PRKN: variants seen among roughly 807,000 people sequenced by gnomAD.
PRKN encodes the protein parkin RBR E3 ubiquitin protein ligase.
A neutral mutation model predicts 59.5 loss-of-function variants in PRKN; 56 were observed. The ratio of observed to expected loss-of-function variants is 0.94; its 90% CI spans 0.76 to 1.18. PRKN has a LOEUF of 1.18. PRKN is among the 50% of genes most tolerant of loss of function. PRKN has a pLI of 0.00. For synonymous variants in PRKN, 250 were observed against 222.1 expected (o/e 1.13, Z -1.12); for missense variants, 657 against 596.4 (o/e 1.10, Z -1.06).
At chr6:162,225,268 T>A (rs1477381725) in intron 3 of PRKN, among the ~76,000 whole-genome samples, 1 of 152,160 alleles carries the variant, frequency 6.6e-6, no homozygotes, top group Non-Finnish European at 1.5e-5. Flanking sequence ...AATCCATCCA[T>A]GACTGTAAAT....
At position 161,446,929 on chromosome 6, in the gene PRKN, C is replaced by T. The variant is rs554723496; in HGVS notation, c.1084-60052G>A. 1.1e-3 allele frequency among the ~76,000 whole-genome samples: 173 copies of T among 152,320 alleles called. No individual in the cohort carries two copies. The highest frequency in any genetic ancestry group is 3.4e-3 in the Middle Eastern group (1 of 294). On this transcript the variant is annotated intron_variant, in intron 9 of 11. Coordinates refer to ENST00000366898, the MANE Select transcript of PRKN (RefSeq NM_004562.3). This position sits in a 1 kb window ranked among gnomAD's most constrained non-coding sequence, Gnocchi z 6.2. Reference sequence around the variant, plus strand: ...TCCCTACATTCAGTTAAAAGCTACTCTGTACCCCAGGACATGGGAGCAGCT... The same window carrying T: ...TCCCTACATTCAGTTAAAAGCTACTTTGTACCCCAGGACATGGGAGCAGCT...
chr6:162,050,837 G>A (rs908300656), intron 5 of PRKN, among the ~76,000 whole-genome samples: 4 of 152,192 alleles, frequency 2.6e-5, no homozygotes, highest in South Asian at 2.1e-4. Flanking sequence ...CCCAATCACC[G>A]TGGCCACACA....
At chr6:161,915,071 G>A (rs1250544916) in intron 6 of PRKN, among the ~76,000 whole-genome samples, 1 of 152,100 alleles carries the variant, frequency 6.6e-6, no homozygotes, top group South Asian at 2.1e-4. Flanking sequence ...GATCACCTGA[G>A]GTCAGGAGTT....
At chr6:162,265,349 TGTG>T (rs1007144801) in intron 2 of PRKN, 1 of 152,236 alleles carries the variant, frequency 6.6e-6, no homozygotes, top group Non-Finnish European at 1.5e-5. Context: ...TGTTAGCAGA[TGTG>T]GTTGAACCAG....
At chr6:162,430,164 C>CGAT (rs1789443508) in intron 2 of PRKN, among the ~76,000 whole-genome samples, 2 of 132,300 alleles carry the variant, frequency 1.5e-5, no homozygotes, top group African/African-American at 7.1e-5. Context: ...ACGATGACGA[C>CGAT]GACGACGACG....
In PRKN at chr6:162,056,414, G is replaced by A. The variant is rs116524674; in HGVS notation, c.535-2240C>T. 0.011 allele frequency among the ~76,000 whole-genome samples: 1,726 copies of A among 152,128 alleles called. 31 individuals carry two copies. The highest frequency in any genetic ancestry group is 0.04 in the African/African-American group (1,663 of 41,508). On this transcript the variant is annotated intron_variant, in intron 4 of 11. Coordinates refer to ENST00000366898, the MANE Select transcript of PRKN (RefSeq NM_004562.3). The surrounding 1 kb of genome is among the most constrained non-coding windows in gnomAD (Gnocchi z 4.9). ...ACACGCACTATTCTAGAGAAAAGTC[G>A]GGGACGCAGAGCAGTTCTCCAGGCC...
intron 3 of PRKN, among the ~76,000 whole-genome samples, chr6:162,238,405 T>C (rs1311275441): frequency 6.6e-6 from 1 of 152,232 alleles, no homozygotes; most frequent in East Asian, 1.9e-4. Flanking sequence ...TGTCTAACCA[T>C]GTGTTTTTCA....
chr6:162,241,751 T>C (rs1265487415), intron 3 of PRKN, among the ~76,000 whole-genome samples: 1 of 152,152 alleles, frequency 6.6e-6, no homozygotes, highest in East Asian at 1.9e-4. Context: ...AACATATATA[T>C]ACAGGCTATT....
rs1791327163 is a variant in PRKN, at chr6:161,480,291, T to TG, written c.1083+68562dup. Among the ~76,000 whole-genome samples, 1 of 152,096 alleles carries TG rather than the reference T, an allele frequency of 6.6e-6. No homozygotes were observed. The highest frequency in any genetic ancestry group is 2.4e-5 in the African/African-American group (1 of 41,410). On this transcript the variant is annotated intron_variant, in intron 9 of 11. Coordinates refer to ENST00000366898, the MANE Select transcript of PRKN (RefSeq NM_004562.3). This position sits in a 1 kb window ranked among gnomAD's most constrained non-coding sequence, Gnocchi z 4.1. ...ATATTAGCAGTAGAGCCTCAAACTC[T>TG]GGGGGGCCCTGTGAGTATGGGGCCC...
At chr6:162,538,989 C>T (rs1184831904) in intron 1 of PRKN, among the ~76,000 whole-genome samples, 1 of 152,128 alleles carries the variant, frequency 6.6e-6, no homozygotes, top group Non-Finnish European at 1.5e-5. Flanking sequence ...CCGTGGGGGC[C>T]CACAATGTGG....
At chr6:161,874,136 T>C (rs1289068221) in intron 6 of PRKN, among the ~76,000 whole-genome samples, 1 of 50,684 alleles carries the variant, frequency 2.0e-5, no homozygotes, top group Non-Finnish European at 3.2e-5. Context: ...ATATATATTA[T>C]ATGTAAAATA....
Position 162,527,484 on chromosome 6 carries a change from C to A in PRKN, c.8-84011G>T, listed in dbSNP as rs551032082. 8.9e-4 allele frequency among the ~76,000 whole-genome samples: 135 copies of A among 152,212 alleles called. 7 individuals are homozygous for A. In the South Asian group the frequency reaches 0.027, roughly 31 times the overall value. On this transcript the variant is annotated intron_variant, in intron 1 of 11. Transcript: ENST00000366898. The stretch of plus-strand genomic sequence containing the variant: ...ATCACTTCATACTGGGAATATAAAT[C>A]TCTGGTTCTTTGGTAAATAAAATTA...
chr6:161,787,455 C>T (rs186919157), intron 6 of PRKN, among the ~76,000 whole-genome samples: 3 of 152,284 alleles, frequency 2.0e-5, no homozygotes, highest in African/African-American at 7.2e-5. Context: ...CACACACATA[C>T]TTTTTTCACT....
chr6:162,626,505 T>A (rs1782900944), intron 1 of PRKN, among the ~76,000 whole-genome samples: 1 of 152,098 alleles, frequency 6.6e-6, no homozygotes, highest in Non-Finnish European at 1.5e-5. Context: ...TTATAATATT[T>A]AAAAAAACTA....
At chr6:162,339,368 G>A (rs1161081300) in intron 2 of PRKN, among the ~76,000 whole-genome samples, 2 of 141,452 alleles carry the variant, frequency 1.4e-5, no homozygotes, top group Non-Finnish European at 3.1e-5. Context: ...CCGGCCAGCC[G>A]CCCCGTCCGG....
intron 1 of PRKN, among the ~76,000 whole-genome samples, chr6:162,584,029 C>T (rs1316500067): frequency 6.6e-6 from 1 of 151,814 alleles, no homozygotes; most frequent in Admixed American, 6.6e-5. Context: ...CTGGCTAACA[C>T]GGTGAAACCC....
chr6:161,626,794 C>T lies in PRKN; in HGVS notation c.872-57378G>A, dbSNP rs182796389. ...GTCAGCAGCCACGGCTGGCTGGTGC[C>T]GCAGGCATTTATTCAGCACAAATTT... is the stretch of plus-strand genomic sequence containing the variant. On this transcript the variant is annotated intron_variant, in intron 7 of 11. Transcript: ENST00000366898. Among the ~76,000 whole-genome samples the T allele has an allele frequency of 2.9e-3, 435 of 152,330 alleles. 3 individuals carry two copies. The highest frequency in any genetic ancestry group is 4.9e-3 in the Non-Finnish European group (331 of 68,024).
chr6:161,941,093 T>C (rs1280487380), intron 6 of PRKN, among the ~76,000 whole-genome samples: 1 of 152,180 alleles, frequency 6.6e-6, no homozygotes, highest in Non-Finnish European at 1.5e-5. Flanking sequence ...GAGGAGGGCA[T>C]GGTCCCTGCC....
intron 2 of PRKN, among the ~76,000 whole-genome samples, chr6:162,336,534 G>A (rs1206256219): frequency 6.6e-6 from 1 of 152,176 alleles, no homozygotes; most frequent in East Asian, 1.9e-4. Flanking sequence ...ATAAAAGTAT[G>A]TGTCAAAAAT....
Sources: gnomAD v4.1 joint callset for allele counts (sites outside exome capture counted in the v4.1 genomes callset) on GRCh38, gnomAD v4.1.1 for gene constraint, Gnocchi (gnomAD v3.1) non-coding constraint, MANE v1.5 for transcripts, NCBI Gene and HGNC (gene_info 2026-07-23, HGNC 2026-07-21) for gene names.